Variants in PLCH1 observed in about 807,000 individuals in gnomAD.
The protein encoded by PLCH1 is 1-phosphatidylinositol 4,5-bisphosphate phosphodiesterase eta-1.
In PLCH1, 60 loss-of-function variants were observed where a neutral mutation model predicts 126.7. The ratio of observed to expected loss-of-function variants is 0.47; its 90% CI spans 0.38 to 0.59. PLCH1 has a LOEUF of 0.59. Among genes scored for constraint, PLCH1 ranks in the 20% least tolerant of loss-of-function variants. The pLI is 0.00. For synonymous variants in PLCH1, 719 were observed against 734.9 expected (o/e 0.98, Z 0.35); for missense variants, 1,723 against 2,040.0 (o/e 0.84, Z 2.99).
At chr3:155,505,202 T>C (rs1355701878) in intron 12 of PLCH1, among the ~76,000 whole-genome samples, 2 of 152,204 alleles carry the variant, frequency 1.3e-5, no homozygotes, top group Admixed American at 1.3e-4. Flanking sequence ...TATGTGTTCG[T>C]TGAAATAATT....
At position 155,520,642 on chromosome 3, in the gene PLCH1, A is replaced by G. The variant is rs190835587; in HGVS notation, c.1470+3255T>C. On this transcript the variant is annotated intron_variant, in intron 11 of 22. Transcript: ENST00000460012. The stretch of plus-strand genomic sequence containing the variant: ...AGCACACTGACATTAGAAGACCCAT[A>G]AAGATGAATAATGGTGACTTCGCCT... Among the ~76,000 whole-genome samples the G allele has an allele frequency of 3.2e-3, 480 of 152,342 alleles. 2 individuals are homozygous for G. Among genetic ancestry groups the G allele is most frequent in the African/African-American group, 0.011 (453 of 41,576 alleles).
intron 12 of PLCH1, among the ~76,000 whole-genome samples, chr3:155,513,459 G>T (rs1719883243): frequency 6.6e-6 from 1 of 152,096 alleles, no homozygotes; most frequent in African/African-American, 2.4e-5. Context: ...GAATAATCTA[G>T]GATGGGGCAA....
At chr3:155,527,138 A>C (rs1341465641) in intron 10 of PLCH1, among the ~76,000 whole-genome samples, 1 of 152,218 alleles carries the variant, frequency 6.6e-6, no homozygotes, top group Non-Finnish European at 1.5e-5. Flanking sequence ...TGGGGGGCCC[A>C]TATCCCAGTT....
At chr3:155,741,087 A>G (rs1227678663) in intron 1 of PLCH1, among the ~76,000 whole-genome samples, 1 of 152,170 alleles carries the variant, frequency 6.6e-6, no homozygotes, top group African/African-American at 2.4e-5. Context: ...TAATAAAATA[A>G]AGCTGTGTAA....
At chr3:155,610,456 G>A (rs938923521) in intron 2 of PLCH1, among the ~76,000 whole-genome samples, 12 of 149,942 alleles carry the variant, frequency 8.0e-5, no homozygotes, top group Non-Finnish European at 4.4e-5. Context: ...CTTAAGAGCT[G>A]TGAGGAAAAA....
chr3:155,486,116 G>A, intron 21 of PLCH1: 1 of 1,397,746 alleles, frequency 7.2e-7, no homozygotes, highest in Admixed American at 2.1e-5. Context: ...AAATATGCCA[G>A]CCAGAACAAA....
intron 21 of PLCH1, among the ~76,000 whole-genome samples, chr3:155,451,591 G>C (rs1447233037): frequency 6.6e-6 from 1 of 152,198 alleles, no homozygotes; most frequent in Non-Finnish European, 1.5e-5. Context: ...GAATAAAGCA[G>C]ATTTCCATCT....
chr3:155,643,610 C>G (rs1459741576), intron 2 of PLCH1, among the ~76,000 whole-genome samples: 2 of 152,092 alleles, frequency 1.3e-5, no homozygotes, highest in African/African-American at 4.8e-5. Context: ...AACATAGTTC[C>G]CCTGAAATTC....
intron 8 of PLCH1, among the ~76,000 whole-genome samples, chr3:155,558,081 A>G (rs978583855): frequency 2.0e-5 from 3 of 152,248 alleles, no homozygotes; most frequent in Non-Finnish European, 4.4e-5. Flanking sequence ...CACTGTGTAC[A>G]TATCCTGACT....
At chr3:155,669,117 G>A (rs537085946) in intron 2 of PLCH1, among the ~76,000 whole-genome samples, 1 of 151,620 alleles carries the variant, frequency 6.6e-6, no homozygotes, top group South Asian at 2.1e-4. Flanking sequence ...CCCGAGGAGT[G>A]GGCATCACCA....
chr3:155,617,218 T>C (rs1475518061), intron 2 of PLCH1, among the ~76,000 whole-genome samples: 3 of 152,184 alleles, frequency 2.0e-5, no homozygotes, highest in Non-Finnish European at 4.4e-5. Flanking sequence ...ACAATTGTCC[T>C]GTTTGATCCT....
At chr3:155,633,939 C>T (rs566537007) in intron 2 of PLCH1, among the ~76,000 whole-genome samples, 1 of 152,160 alleles carries the variant, frequency 6.6e-6, no homozygotes, top group Non-Finnish European at 1.5e-5. Flanking sequence ...AAAACAACTC[C>T]ATGGTGAAGC....
At chr3:155,491,016 G>T in intron 18 of PLCH1, 148 bp from the exon 19 acceptor site, 1 of 558,594 alleles carries the variant, frequency 1.8e-6, no homozygotes, top group Non-Finnish European at 3.2e-6. Flanking sequence ...TACTAGGTGT[G>T]GTGGATTCAG....
chr3:155,655,884 G>A (rs1741296862), intron 2 of PLCH1, among the ~76,000 whole-genome samples: 3 of 152,010 alleles, frequency 2.0e-5, no homozygotes, highest in South Asian at 2.1e-4. Flanking sequence ...ATTTTAAAAT[G>A]CAAATTCTTT....
At chr3:155,730,025 G>A (rs757724758) in intron 1 of PLCH1, among the ~76,000 whole-genome samples, 53 of 151,992 alleles carry the variant, frequency 3.5e-4, no homozygotes, top group Admixed American at 8.5e-4. Context: ...AAAAATTATA[G>A]TTTTATAAAG....
Position 155,494,173 on chromosome 3 carries a change from C to A in PLCH1, c.2150G>T (p.Gly717Val). 1 of 1,614,052 alleles carries A rather than the reference C, an allele frequency of 6.2e-7. No individual in the cohort carries two copies. The highest frequency in any genetic ancestry group is 8.5e-7 in the Non-Finnish European group (1 of 1,179,932). ...CATTTGCTGGGGTTTGAGGACATAGCCACAATTGCCATTTGCCTTGAATTT... is the reference window on the plus strand; with the variant it reads ...CATTTGCTGGGGTTTGAGGACATAGACACAATTGCCATTTGCCTTGAATTT... ...RAKFKANGNC[G>V]YVLKPQQMCK... is the part of the protein sequence containing the mutation. Residue 717 changes from glycine (G) to valine (V), a missense_variant, in exon 17 of 23, where the codon GGC becomes GTC. Transcript: ENST00000460012.
intron 1 of PLCH1, among the ~76,000 whole-genome samples, chr3:155,735,933 T>A (rs774836214): frequency 6.6e-6 from 1 of 152,142 alleles, no homozygotes; most frequent in Non-Finnish European, 1.5e-5. Flanking sequence ...AACAGAGATG[T>A]GGGAGGTAAT....
At chr3:155,626,874 T>G (rs1204011984) in intron 2 of PLCH1, among the ~76,000 whole-genome samples, 1 of 140,578 alleles carries the variant, frequency 7.1e-6, no homozygotes, top group Non-Finnish European at 1.5e-5. Flanking sequence ...TAGGAGAACA[T>G]ATCTACAAGA....
At chr3:155,657,639 G>A (rs1010703683) in intron 2 of PLCH1, 16 of 152,090 alleles carry the variant, frequency 1.1e-4, no homozygotes, top group African/African-American at 3.9e-4. Context: ...CTGAAACTAC[G>A]CTTATTGAGA....
Sources: gnomAD v4.1 joint callset for allele counts (sites outside exome capture counted in the v4.1 genomes callset) on GRCh38, gnomAD v4.1.1 for gene constraint, MANE v1.5 for transcripts, NCBI Gene and HGNC (gene_info 2026-07-23, HGNC 2026-07-21) for gene names.